Variants in MTMR3 observed in about 807,000 individuals in gnomAD.
MTMR3 encodes myotubularin related protein 3, also known as phosphatidylinositol-3,5-bisphosphate 3-phosphatase MTMR3.
A neutral mutation model predicts 132.4 loss-of-function variants in MTMR3; 32 were observed. The observed-to-expected ratio is 0.24, with a 90% CI of 0.18 to 0.32. The LOEUF (loss-of-function observed/expected upper bound fraction) is 0.32, where lower values mean the gene tolerates loss of function less well. MTMR3 is among the 10% of genes least tolerant of loss of function. MTMR3 has a pLI of 1.00. For missense variants in MTMR3, 1,216 were observed against 1,489.6 expected (o/e 0.82, Z 3.02); for synonymous variants, 556 against 550.3 (o/e 1.01, Z -0.14).
intron 1 of MTMR3, among the ~76,000 whole-genome samples, chr22:29,936,475 A>T (rs1045489790): frequency 4.6e-5 from 7 of 152,138 alleles, no homozygotes; most frequent in African/African-American, 1.7e-4. Context: ...CCTGTACTAG[A>T]TGCCAGTTCT....
At chr22:29,925,736 C>G (rs539930160) in intron 1 of MTMR3, among the ~76,000 whole-genome samples, 1 of 151,724 alleles carries the variant, frequency 6.6e-6, no homozygotes, top group Non-Finnish European at 1.5e-5. Context: ...GCCAACAAGA[C>G]GAACCCGTCT....
chr22:30,021,077 C>T (rs1273094501), intron 17 of MTMR3, 193 bp downstream of exon 17: 3 of 627,404 alleles, frequency 4.8e-6, no homozygotes, highest in East Asian at 5.5e-5. Flanking sequence ...TTCTGCTTCG[C>T]TTACTTTCTG....
rs148686689 is a variant in MTMR3, at chr22:29,957,260, A to ATTT, written c.-85+174_-85+175insTTT. ...GTTCACTTTAATGTCCTTACATGTG[A>ATTT]TTATTTTTTTTTTTCACTAGGACTC... On this transcript the variant is annotated intron_variant, in intron 2 of 19. Coordinates refer to ENST00000401950, the MANE Select transcript of MTMR3 (RefSeq NM_021090.4). Among the ~76,000 whole-genome samples the ATTT allele has an allele frequency of 4.5e-3, 654 of 144,628 alleles. 11 individuals are homozygous for ATTT. Among genetic ancestry groups the ATTT allele is most frequent in the African/African-American group, 0.016 (617 of 38,554 alleles). The allele number at this position is 144,628 out of a possible 152,430, so 94.9% of individuals were successfully genotyped here. A position where few individuals can be genotyped will look rare whatever the true frequency, so the allele number is the denominator to read the frequency against.
At chr22:29,999,856 AC>A (rs2067133772) in intron 8 of MTMR3, 1 of 152,194 alleles carries the variant, frequency 6.6e-6, no homozygotes, top group African/African-American at 2.4e-5. Context: ...TACTAAAAAT[AC>A]AAAAATTAGC....
chr22:30,016,011 T>G (rs1415535100), intron 14 of MTMR3: 1 of 156,730 alleles, frequency 6.4e-6, no homozygotes, highest in Non-Finnish European at 1.4e-5. Context: ...ATGTGTCCTG[T>G]CCATCTCAGT....
intron 2 of MTMR3, among the ~76,000 whole-genome samples, chr22:29,964,276 A>C (rs1013566125): frequency 3.3e-5 from 5 of 152,222 alleles, no homozygotes; most frequent in Non-Finnish European, 5.9e-5. Flanking sequence ...CAGGTGCTGT[A>C]ATGAACCCTG....
rs1411794422 is a variant in MTMR3 at position 29,978,335 on chromosome 22, C to T, written c.4-107C>T. The stretch of plus-strand genomic sequence containing the variant: ...TCCTTGAGCTTTTCTGCCTGTTCAC[C>T]TTGGTCTTTGTACTTTCATTGTGAT... On this transcript the variant is annotated intron_variant, in intron 3 of 19. Coordinates refer to ENST00000401950, the MANE Select transcript of MTMR3 (RefSeq NM_021090.4). 7 of 778,812 alleles carry T rather than the reference C, an allele frequency of 9.0e-6. No homozygotes were observed. The Admixed American group carries it at 1.0e-4, about 11-fold the overall frequency. The allele number at this position is 778,812 out of a possible 1,614,324, so 48.2% of individuals were successfully genotyped here.
chr22:29,937,305 T>A (rs2065768000), intron 1 of MTMR3, among the ~76,000 whole-genome samples: 1 of 152,200 alleles, frequency 6.6e-6, no homozygotes, highest in African/African-American at 2.4e-5. Context: ...AAGAGACTTC[T>A]TTCTTTACCA....
intron 2 of MTMR3, among the ~76,000 whole-genome samples, chr22:29,959,457 C>A (rs1000903697): frequency 7.2e-5 from 11 of 152,144 alleles, no homozygotes; most frequent in African/African-American, 2.7e-4. Context: ...CAGCTCACTG[C>A]AGCCTCCACC....
At chr22:29,990,996 G>A (rs1324007113) in intron 6 of MTMR3, 1 of 152,422 alleles carries the variant, frequency 6.6e-6, no homozygotes, top group Non-Finnish European at 1.5e-5. Flanking sequence ...GGTCATAGCT[G>A]AAAGTTTCAG....
At chr22:29,975,051 G>A (rs763047588) in intron 3 of MTMR3, among the ~76,000 whole-genome samples, 9 of 152,158 alleles carry the variant, frequency 5.9e-5, no homozygotes, top group Non-Finnish European at 1.3e-4. Flanking sequence ...ACCTTTCATA[G>A]ATTAGCACTA....
chr22:30,013,617 T>C, intron 14 of MTMR3, 76 bp downstream of exon 14: 2 of 1,388,404 alleles, frequency 1.4e-6, no homozygotes, highest in South Asian at 1.3e-5. Context: ...AGTTCTCACA[T>C]GAAACTGTGC....
intron 1 of MTMR3, among the ~76,000 whole-genome samples, chr22:29,900,890 G>C (rs937769078): frequency 6.6e-6 from 1 of 151,960 alleles, no homozygotes; most frequent in African/African-American, 2.4e-5. Flanking sequence ...ATTTTTTTGT[G>C]TATTTTATAG....
At chr22:29,887,625 C>T (rs1023304412) in intron 1 of MTMR3, among the ~76,000 whole-genome samples, 3 of 152,118 alleles carry the variant, frequency 2.0e-5, no homozygotes, top group Non-Finnish European at 2.9e-5. Flanking sequence ...TTCAGAGGAA[C>T]CTGGGATGTC....
chr22:29,970,497 C>CTTTTTTTTTTTT (rs11326857), intron 2 of MTMR3, among the ~76,000 whole-genome samples: 6 of 57,782 alleles, frequency 1.0e-4, no homozygotes, highest in African/African-American at 4.7e-4. Context: ...CCATGACCAG[C>CTTTTTTTTTTTT]TTTTTTTTTT....
chr22:29,988,641 TAG>T, intron 6 of MTMR3, 79 bp downstream of exon 6: 2 of 1,048,658 alleles, frequency 1.9e-6, no homozygotes, highest in Non-Finnish European at 2.8e-6. Flanking sequence ...TTTGGTAACT[TAG>T]TAAAATACCT....
chr22:30,013,245 G>A, intron 13 of MTMR3, 111 bp from the exon 14 acceptor site: 2 of 1,112,002 alleles, frequency 1.8e-6, no homozygotes, highest in Non-Finnish European at 2.6e-6. Flanking sequence ...AAGGCCGGGT[G>A]GGCTTTCTGG....
chr22:30,022,625 C>T lies in MTMR3; in HGVS notation c.3353C>T (p.Pro1118Leu). The change falls in exon 19 of 20, where the codon CCT becomes CTT. Residue 1118 changes from proline to leucine, a missense_variant. Pro to Leu is a moderately conservative substitution (Grantham distance 98, BLOSUM62 -3). Coordinates refer to ENST00000401950, the MANE Select transcript of MTMR3 (RefSeq NM_021090.4). ...KQDTEMTRWL[P>L]DHLAAHCYAC... ...GTTTTGCAGATGACCCGTTGGCTTC[C>T]TGACCACCTGGCCGCCCACTGCTAT... is the stretch of plus-strand genomic sequence containing the variant. The T allele has an allele frequency of 6.2e-7, 1 of 1,613,096 alleles. No homozygotes were observed. Among genetic ancestry groups the T allele is most frequent in the Non-Finnish European group, 8.5e-7 (1 of 1,180,016 alleles).
chr22:29,972,420 C>T (rs1011151413), intron 3 of MTMR3, among the ~76,000 whole-genome samples: 4 of 152,172 alleles, frequency 2.6e-5, no homozygotes, highest in Non-Finnish European at 5.9e-5. Flanking sequence ...CTTTAGACAA[C>T]GCTTGGGAGT....
Sources: allele counts gnomAD v4.1 joint callset (sites outside exome capture counted in the v4.1 genomes callset), GRCh38; gene constraint gnomAD v4.1.1; transcripts MANE v1.5; gene names NCBI Gene and HGNC (gene_info 2026-07-23, HGNC 2026-07-21).